Variants in LARP1 observed in about 807,000 individuals in gnomAD.
LARP1 encodes the protein La ribonucleoprotein 1, translational regulator.
In LARP1, 36 loss-of-function variants were observed where a neutral mutation model predicts 122.7. The observed-to-expected ratio is 0.29, with a 90% CI of 0.22 to 0.39. The LOEUF is 0.39. LARP1 is among the 10% of genes least tolerant of loss of function. The pLI is 1.00. For missense variants in LARP1, 1,040 were observed against 1,403.6 expected, an observed-to-expected ratio of 0.74 and a Z score of 4.14; for synonymous variants, 539 against 528.7, an observed-to-expected ratio of 1.02 and a Z score of -0.27.
Position 154,803,241 on chromosome 5 carries a change from G to A in LARP1, c.2110-49G>A. The A allele has an allele frequency of 6.2e-7, 1 of 1,613,116 alleles. No individual in the cohort carries two copies. The highest frequency in any genetic ancestry group is 8.5e-7 in the Non-Finnish European group (1 of 1,179,136). On this transcript the variant is annotated intron_variant, in intron 11 of 18. Transcript: ENST00000518297. The surrounding 1 kb of genome is among the most constrained non-coding windows in gnomAD (Gnocchi z 4.4). ...GTCTTGATTCCTTAAACAGGCTAGA[G>A]CAGCCTGCTTACTTACATCTTTCCC... is the stretch of plus-strand genomic sequence containing the variant.
At position 154,802,122 on chromosome 5, in the gene LARP1, A is replaced by G. The variant is rs1758401758; in HGVS notation, c.1832A>G (p.Glu611Gly). ...EQEELDFLFD[E>G]EMEQMDGRKN... ...GAGGAACTGGATTTTCTGTTTGACG[A>G]GGAGATGGAGCAGATGGATGGGCGG... The change falls in exon 11 of 19, where the codon GAG becomes GGG. Residue 611 changes from glutamate to glycine, a missense_variant. Coordinates refer to ENST00000518297, the MANE Select transcript of LARP1 (RefSeq NM_033551.3). The surrounding 1 kb of genome is among the most constrained non-coding windows in gnomAD (Gnocchi z 5.1). 1.2e-6 allele frequency: 2 copies of G among 1,614,056 alleles called. No individual in the cohort carries two copies. Among genetic ancestry groups the G allele is most frequent in the Non-Finnish European group, 1.7e-6 (2 of 1,180,032 alleles).
chr5:154,741,465 T>C (rs1270014088), intron 1 of LARP1, among the ~76,000 whole-genome samples: 1 of 152,184 alleles, frequency 6.6e-6, no homozygotes, highest in Admixed American at 6.5e-5. Context: ...TCAGAGGTTG[T>C]GATCTGTGCT....
At chr5:154,762,361 T>C (rs1754530762) in intron 1 of LARP1, among the ~76,000 whole-genome samples, 1 of 152,090 alleles carries the variant, frequency 6.6e-6, no homozygotes, top group Non-Finnish European at 1.5e-5. Context: ...ACTCTGAGGG[T>C]TTATCTGTGC....
Position 154,755,501 on chromosome 5 carries a change from G to A in LARP1, c.-257G>A. ...GGCGTCTTGCGAGGAACGGGCGGGG[G>A]GGGACGCACGCCTAGGAGGCCTGGA... is the stretch of plus-strand genomic sequence containing the variant. On this transcript the variant is annotated 5_prime_UTR_variant, in exon 1 of 19. Transcript: ENST00000518297. 1 of 965,244 alleles carries A rather than the reference G, an allele frequency of 1.0e-6. No individual in the cohort carries two copies. The highest frequency in any genetic ancestry group is 1.2e-6 in the Non-Finnish European group (1 of 809,992). The allele number at this position is 965,244 out of a possible 1,614,324, so 59.8% of individuals were successfully genotyped here. A position where few individuals can be genotyped will look rare whatever the true frequency, so the allele number is the denominator to read the frequency against.
chr5:154,705,195 GA>G (rs1276301099), intron 1 of LARP1, among the ~76,000 whole-genome samples: 1 of 151,192 alleles, frequency 6.6e-6, no homozygotes, highest in East Asian at 1.9e-4. Context: ...ACTAGCATAT[GA>G]AAAAATGCTC....
intron 1 of LARP1, among the ~76,000 whole-genome samples, chr5:154,745,561 GA>G (rs1753145036): frequency 6.6e-6 from 1 of 152,206 alleles, no homozygotes; most frequent in African/African-American, 2.4e-5. Flanking sequence ...CTGAGGCAGA[GA>G]GACACAGAGG....
chr5:154,813,648 A>T (rs1759460969), intron 18 of LARP1, among the ~76,000 whole-genome samples: 1 of 152,146 alleles, frequency 6.6e-6, no homozygotes, highest in Non-Finnish European at 1.5e-5. Context: ...CTCATCTATA[A>T]AATCAGATGT....
At chr5:154,792,839 G>A in intron 4 of LARP1, 43 bp downstream of exon 4, 1 of 1,594,308 alleles carries the variant, frequency 6.3e-7, no homozygotes, top group Non-Finnish European at 8.6e-7. Flanking sequence ...TGGCAGGGTA[G>A]AACTGTGAAA....
At chr5:154,744,192 G>A (rs1753057952) in intron 1 of LARP1, among the ~76,000 whole-genome samples, 1 of 152,096 alleles carries the variant, frequency 6.6e-6, no homozygotes, top group South Asian at 2.1e-4. Context: ...AAAACAATCT[G>A]CCCTATCTCC....
chr5:154,766,779 T>G (rs535535522), intron 1 of LARP1, among the ~76,000 whole-genome samples: 1 of 152,224 alleles, frequency 6.6e-6, no homozygotes, highest in Non-Finnish European at 1.5e-5. Context: ...GCTGCTACCC[T>G]GAGTTCTTGA....
upstream of LARP1, among the ~76,000 whole-genome samples, chr5:154,750,695 C>T (rs1300492752): frequency 6.6e-6 from 1 of 152,208 alleles, no homozygotes; most frequent in Non-Finnish European, 1.5e-5. Context: ...GCAGCCTCCA[C>T]CTCCCAGGCT....
intron 8 of LARP1, among the ~76,000 whole-genome samples, chr5:154,797,680 C>CT (rs79974250): frequency 0.039 from 5,404 of 138,070 alleles, 287 homozygotes; most frequent in African/African-American, 0.12. Context: ...TGTCTACCGT[C>CT]TTTTTTTTTT....
chr5:154,752,969 C>A (rs114863324), upstream of LARP1, among the ~76,000 whole-genome samples: 1,844 of 152,010 alleles, frequency 0.012, 38 homozygotes, highest in African/African-American at 0.043. Flanking sequence ...AGGTCTCTTA[C>A]TTTCTCTGGC....
intron 1 of LARP1, among the ~76,000 whole-genome samples, chr5:154,766,066 C>A (rs540962670): frequency 9.9e-5 from 15 of 152,280 alleles, no homozygotes; most frequent in African/African-American, 2.6e-4. Context: ...GAGTAGCAGT[C>A]ACCTGAGAAG....
At chr5:154,798,133 T>C (rs1758039797) in intron 8 of LARP1, among the ~76,000 whole-genome samples, 1 of 152,256 alleles carries the variant, frequency 6.6e-6, no homozygotes, top group African/African-American at 2.4e-5. Context: ...TAGAGATTGC[T>C]TTCTCCCTAC....
intron 1 of LARP1, among the ~76,000 whole-genome samples, chr5:154,699,203 A>G (rs1483043103): frequency 6.6e-6 from 1 of 152,236 alleles, no homozygotes; most frequent in Non-Finnish European, 1.5e-5. Flanking sequence ...AGAATAAAGT[A>G]ACTCCTGAGG....
intron 18 of LARP1, 117 bp from the exon 19 acceptor site, chr5:154,813,769 TA>T: frequency 2.4e-6 from 2 of 850,190 alleles, no homozygotes; most frequent in Non-Finnish European, 3.9e-6. Context: ...TTTTTAAGGT[TA>T]AACCCATTCA....
chr5:154,749,506 T>G (rs963169136), intron 1 of LARP1, among the ~76,000 whole-genome samples: 1 of 152,096 alleles, frequency 6.6e-6, no homozygotes, highest in South Asian at 2.1e-4. Context: ...AAACAGTCAG[T>G]CCCCACCCCA....
At chr5:154,743,542 CA>C (rs1753022202) in intron 1 of LARP1, among the ~76,000 whole-genome samples, 1 of 151,958 alleles carries the variant, frequency 6.6e-6, no homozygotes. Context: ...CTCCTGACCT[CA>C]GGTGATCCAC....
Sources: gnomAD v4.1 joint callset for allele counts (sites outside exome capture counted in the v4.1 genomes callset) on GRCh38, gnomAD v4.1.1 for gene constraint, Gnocchi (gnomAD v3.1) non-coding constraint, MANE v1.5 for transcripts, NCBI Gene and HGNC (gene_info 2026-07-23, HGNC 2026-07-21) for gene names.